The following SDK2 variants were observed in gnomAD, a reference collection of about 807,000 sequenced individuals.
SDK2 encodes protein sidekick-2.
Under a neutral mutation model 253.9 loss-of-function variants are expected in SDK2, and 105 were observed. That is an observed-to-expected ratio of 0.41 (90% confidence interval 0.35 to 0.49). The LOEUF (loss-of-function observed/expected upper bound fraction) is 0.49, where lower values mean the gene tolerates loss of function less well. Among genes scored for constraint, SDK2 ranks in the 20% least tolerant of loss-of-function variants. The probability of loss-of-function intolerance (pLI) is 0.06; values close to 1 mark genes in which losing one functional copy is unlikely to be tolerated. For missense variants in SDK2, 2,608 were observed against 3,003.0 expected (o/e 0.87, Z 3.07); for synonymous variants, 1,249 against 1,234.9 (o/e 1.01, Z -0.24).
intron 1 of SDK2, among the ~76,000 whole-genome samples, chr17:73,624,735 A>G (rs1423075629): frequency 6.6e-6 from 1 of 152,146 alleles, no homozygotes; most frequent in African/African-American, 2.4e-5. Context: ...GCTCTCAGCC[A>G]CTCAAGGAAC....
At chr17:73,422,138 A>G in intron 15 of SDK2, 149 bp downstream of exon 15, 1 of 804,700 alleles carries the variant, frequency 1.2e-6, no homozygotes, top group East Asian at 2.7e-5. Flanking sequence ...CTGGTGAGGC[A>G]CTCATCAGGA....
chr17:73,365,496 G>T (rs903563816), intron 37 of SDK2, 101 bp from the exon 38 acceptor site: 12 of 1,281,080 alleles, frequency 9.4e-6, no homozygotes, highest in African/African-American at 6.1e-5. Context: ...GTCTGAGCCC[G>T]GGAGGAACAA....
Position 73,383,705 on chromosome 17 carries a change from T to G in SDK2, c.4705+171A>C, listed in dbSNP as rs558599081. Among the ~76,000 whole-genome samples, 2 of 152,234 alleles carry G rather than the reference T, an allele frequency of 1.3e-5. No individual in the cohort carries two copies. Among genetic ancestry groups the G allele is most frequent in the South Asian group, 4.2e-4 (2 of 4,818 alleles). On this transcript the variant is annotated intron_variant, in intron 33 of 44. Coordinates refer to ENST00000392650, the MANE Select transcript of SDK2 (RefSeq NM_001144952.2). This position sits in a 1 kb window ranked among gnomAD's most constrained non-coding sequence, Gnocchi z 4.3. Reference sequence around the variant, plus strand: ...CTCGGGGCCCATAGAAGGTGCTCAGTAAATATTCAGTAAATGAATGAATGG... The same window carrying G: ...CTCGGGGCCCATAGAAGGTGCTCAGGAAATATTCAGTAAATGAATGAATGG...
At chr17:73,500,673 T>A (rs2063883463) in intron 2 of SDK2, among the ~76,000 whole-genome samples, 1 of 139,584 alleles carries the variant, frequency 7.2e-6, no homozygotes, top group African/African-American at 2.7e-5. Flanking sequence ...ATCTCCTCCA[T>A]CCATCCTCCC....
At chr17:73,499,762 T>C (rs775972602) in intron 2 of SDK2, among the ~76,000 whole-genome samples, 1 of 152,074 alleles carries the variant, frequency 6.6e-6, no homozygotes, top group Non-Finnish European at 1.5e-5. Context: ...ATGAAGGTAA[T>C]GAGATTCACC....
chr17:73,548,492 G>C (rs2045002858), intron 1 of SDK2, among the ~76,000 whole-genome samples: 1 of 152,212 alleles, frequency 6.6e-6, no homozygotes, highest in Non-Finnish European at 1.5e-5. Flanking sequence ...ATTCCTCCTG[G>C]GGTGGGGGAC....
chr17:73,454,619 G>A (rs956977016), intron 4 of SDK2, among the ~76,000 whole-genome samples: 2 of 152,210 alleles, frequency 1.3e-5, no homozygotes, highest in Non-Finnish European at 2.9e-5. Context: ...GGAAAGAGAG[G>A]GGATGTGTGT....
chr17:73,374,341 G>A (rs2062759771), intron 36 of SDK2, among the ~76,000 whole-genome samples: 1 of 144,404 alleles, frequency 6.9e-6, no homozygotes, highest in Non-Finnish European at 1.5e-5. Context: ...AACACATCTG[G>A]AACCAGACTC....
chr17:73,513,981 G>A (rs1395983420), intron 1 of SDK2, among the ~76,000 whole-genome samples: 3 of 152,174 alleles, frequency 2.0e-5, no homozygotes, highest in African/African-American at 4.8e-5. Flanking sequence ...TGGGTGCCCG[G>A]GGACTTGGGT....
Position 73,338,454 on chromosome 17 carries a change from T to G in SDK2, c.*133A>C. 1 of 713,330 alleles carries G rather than the reference T, an allele frequency of 1.4e-6. No homozygotes were observed. The highest frequency in any genetic ancestry group is 2.2e-5 in the Admixed American group (1 of 44,582). 44.2% of individuals were successfully genotyped at this position (713,330 alleles called of 1,614,324 possible). A position where few individuals can be genotyped will look rare whatever the true frequency, so the allele number is the denominator to read the frequency against. On this transcript the variant is annotated 3_prime_UTR_variant, in exon 45 of 45. Coordinates refer to ENST00000392650, the MANE Select transcript of SDK2 (RefSeq NM_001144952.2). This position sits in a 1 kb window ranked among gnomAD's most constrained non-coding sequence, Gnocchi z 5.0. ...CGCCGGCTTTGCTGGCCCTGGAATC[T>G]CTGGAAAAATAAACTCAGGAGGTGA...
intron 1 of SDK2, among the ~76,000 whole-genome samples, chr17:73,582,803 C>A (rs924223091): frequency 2.0e-5 from 3 of 152,220 alleles, no homozygotes; most frequent in African/African-American, 7.2e-5. Context: ...CTGGAAGATT[C>A]TGTGCTCCCC....
intron 3 of SDK2, among the ~76,000 whole-genome samples, chr17:73,462,883 C>A (rs2063573464): frequency 6.6e-6 from 1 of 152,132 alleles, no homozygotes. Flanking sequence ...TTGGATCTGC[C>A]CAGGGAGTTC....
At chr17:73,556,159 C>G (rs1483851792) in intron 1 of SDK2, among the ~76,000 whole-genome samples, 1 of 152,144 alleles carries the variant, frequency 6.6e-6, no homozygotes, top group Non-Finnish European at 1.5e-5. Context: ...TTAATGACCC[C>G]AGACATCGGG....
At chr17:73,626,923 C>T (rs2046209886) in intron 1 of SDK2, among the ~76,000 whole-genome samples, 1 of 152,198 alleles carries the variant, frequency 6.6e-6, no homozygotes, top group Non-Finnish European at 1.5e-5. Context: ...AGCGTCTTCA[C>T]CCTGTGACCC....
chr17:73,365,393 G>A lies in SDK2; in HGVS notation c.5170C>T (p.Pro1724Ser). Reference sequence around the variant, plus strand: ...AACTTGACCGAGCTGGGAGCGCTGGGGGCTGCGGGAGACAGCAAAGGGTTT... The same window carrying A: ...AACTTGACCGAGCTGGGAGCGCTGGAGGCTGCGGGAGACAGCAAAGGGTTT... ...PTQGQTQQAAPSAPSSVKFSE... is the reference protein window; with the variant it reads ...PTQGQTQQAASSAPSSVKFSE... Residue 1724 changes from proline to serine, a missense_variant and splice_region_variant, in exon 38 of 45, where the codon CCC becomes TCC. Pro to Ser is a moderately conservative substitution (Grantham distance 74). Coordinates refer to ENST00000392650, the MANE Select transcript of SDK2 (RefSeq NM_001144952.2). The A allele has an allele frequency of 1.9e-6, 3 of 1,606,240 alleles. No homozygotes were observed. Among genetic ancestry groups the A allele is most frequent in the Non-Finnish European group, 2.5e-6 (3 of 1,177,068 alleles).
chr17:73,394,118 G>T (rs2062950994), intron 26 of SDK2, 91 bp downstream of exon 26: 2 of 719,618 alleles, frequency 2.8e-6, no homozygotes, highest in Non-Finnish European at 4.2e-6. Flanking sequence ...AGGAGGCAGA[G>T]ACCTAGAGGG....
intron 3 of SDK2, among the ~76,000 whole-genome samples, chr17:73,469,446 C>CTGCT (rs2145688924): frequency 6.6e-6 from 1 of 152,362 alleles, no homozygotes; most frequent in South Asian, 2.1e-4. Context: ...CCCCTTCCAT[C>CTGCT]TGCTTCTCAT....
chr17:73,342,341 T>C (rs911481874), intron 44 of SDK2, among the ~76,000 whole-genome samples: 5 of 152,176 alleles, frequency 3.3e-5, no homozygotes, highest in African/African-American at 1.2e-4. Context: ...AGCCCCTTTC[T>C]GTGCCTACTG....
intron 28 of SDK2, among the ~76,000 whole-genome samples, chr17:73,391,017 G>A (rs2062923982): frequency 6.6e-6 from 1 of 152,160 alleles, no homozygotes; most frequent in Non-Finnish European, 1.5e-5. Flanking sequence ...CGGAACCCTG[G>A]GTGTGTGTAT....
Sources: gnomAD v4.1 joint callset for allele counts (sites outside exome capture counted in the v4.1 genomes callset) on GRCh38, gnomAD v4.1.1 for gene constraint, Gnocchi (gnomAD v3.1) non-coding constraint, MANE v1.5 for transcripts, NCBI Gene and HGNC (gene_info 2026-07-23, HGNC 2026-07-21) for gene names.